CDC42: variants seen among roughly 807,000 people sequenced by gnomAD.
CDC42 encodes the protein cell division control protein 42 homolog.
Under a neutral mutation model 20.8 loss-of-function variants are expected in CDC42, and 1 was observed. That is an observed-to-expected ratio of 0.05 (90% CI 0.02 to 0.23). The LOEUF (loss-of-function observed/expected upper bound fraction) is 0.23, where lower values mean the gene tolerates loss of function less well. Among genes scored for constraint, CDC42 ranks in the 10% least tolerant of loss-of-function variants. The pLI is 1.00. For synonymous variants in CDC42, 72 were observed against 84.8 expected (o/e 0.85, Z 0.83); for missense variants, 49 against 227.9 (o/e 0.21, Z 5.05).
Position 22,094,612 on chromosome 1 carries a change from A to T in CDC42, c.*3095A>T, listed in dbSNP as rs574479768. On this transcript the variant is annotated 3_prime_UTR_variant, in exon 6 of 6. Transcript: ENST00000656825. ...GCGCCCGGCCAGAAATAGATTTTAT[A>T]GTTAAAGCGATGTTCTTCAAGCTGG... is the stretch of plus-strand genomic sequence containing the variant. 4.6e-5 allele frequency among the ~76,000 whole-genome samples: 7 copies of T among 151,958 alleles called. No homozygotes were observed. In the East Asian group the frequency reaches 1.2e-3, roughly 25 times the overall value.
Position 22,093,503 on chromosome 1 carries a change from A to G in CDC42, c.*1986A>G, listed in dbSNP as rs183716243. 1.3e-4 allele frequency among the ~76,000 whole-genome samples: 20 copies of G among 152,336 alleles called. 1 individual carries two copies. In the Middle Eastern group the frequency reaches 0.01, roughly 78 times the overall value. On this transcript the variant is annotated 3_prime_UTR_variant, in exon 6 of 6. Coordinates refer to ENST00000656825, the MANE Select transcript of CDC42 (RefSeq NM_001791.4). ...CAAGAAAGGTTTATTTACCTTTAGGACATTATACTGATCTGCATGAGAATC... is the reference window on the plus strand; with the variant it reads ...CAAGAAAGGTTTATTTACCTTTAGGGCATTATACTGATCTGCATGAGAATC...
chr1:22,095,436 A>AT lies in CDC42; in HGVS notation c.*3920dup, dbSNP rs1290067418. 2.6e-5 allele frequency among the ~76,000 whole-genome samples: 4 copies of AT among 151,944 alleles called. No individual in the cohort carries two copies. The highest frequency in any genetic ancestry group is 2.6e-4 in the Admixed American group (4 of 15,262). The stretch of plus-strand genomic sequence containing the variant: ...AGGCATGTGCCACCATGCCTGGCTA[A>AT]TGTTTTGTATTTTTAGTAGAGATAG... On this transcript the variant is annotated 3_prime_UTR_variant, in exon 6 of 6. Transcript: ENST00000656825.
rs1645749901 is a variant in CDC42 at position 22,095,444 on chromosome 1, T to C, written c.*3927T>C. On this transcript the variant is annotated 3_prime_UTR_variant, in exon 6 of 6. Transcript: ENST00000656825. ...GCCACCATGCCTGGCTAATGTTTTG[T>C]ATTTTTAGTAGAGATAGGGTTTCAC... Among the ~76,000 whole-genome samples, 1 of 152,146 alleles carries C rather than the reference T, an allele frequency of 6.6e-6. No homozygotes were observed. Among genetic ancestry groups the C allele is most frequent in the African/African-American group, 2.4e-5 (1 of 41,428 alleles).
chr1:22,062,730 TAAAAAAA>T lies in CDC42; in HGVS notation c.-51+10017_-51+10023del, dbSNP rs531472151. Among the ~76,000 whole-genome samples the T allele has an allele frequency of 7.8e-4, 54 of 69,414 alleles. 2 individuals carry two copies. Among genetic ancestry groups the T allele is most frequent in the East Asian group, 6.2e-3 (12 of 1,928 alleles). The allele number at this position is 69,414 out of a possible 152,430, so 45.5% of individuals were successfully genotyped here. The stretch of plus-strand genomic sequence containing the variant: ...AACATAGTGAGACCGTGGCTCTATT[TAAAAAAA>T]AAAAAAAAAAAAAAAAAAAAAAAAA... On this transcript the variant is annotated intron_variant, in intron 1 of 5. Transcript: ENST00000656825.
Position 22,098,357 on chromosome 1 carries a change from T to G in CDC42, c.*6840T>G, listed in dbSNP as rs1645770519. On this transcript the variant is annotated 3_prime_UTR_variant, in exon 6 of 6. Coordinates refer to ENST00000656825, the MANE Select transcript of CDC42 (RefSeq NM_001791.4). ...GGAAGGCTGAAAAAAAAAATACTCC[T>G]GAGATTCTGAATCTGTAAGTATGCA... 6.6e-6 allele frequency among the ~76,000 whole-genome samples: 1 copy of G among 152,118 alleles called. No individual in the cohort carries two copies. Among genetic ancestry groups the G allele is most frequent in the Non-Finnish European group, 1.5e-5 (1 of 68,020 alleles).
intron 2 of CDC42, among the ~76,000 whole-genome samples, chr1:22,080,543 A>G (rs551958421): frequency 6.6e-6 from 1 of 152,262 alleles, no homozygotes; most frequent in South Asian, 2.1e-4. Flanking sequence ...AAAATGTGGC[A>G]TTCTTCTCCT....
chr1:22,061,181 C>T (rs1219284072), intron 1 of CDC42, among the ~76,000 whole-genome samples: 4 of 151,928 alleles, frequency 2.6e-5, no homozygotes, highest in African/African-American at 7.3e-5. Context: ...CCATGGCGGG[C>T]GGATCACCTG....
Position 22,099,673 on chromosome 1 carries a change from T to C in CDC42, c.*8156T>C, listed in dbSNP as rs1645777690. Among the ~76,000 whole-genome samples, 1 of 152,194 alleles carries C rather than the reference T, an allele frequency of 6.6e-6. No individual in the cohort carries two copies. Among genetic ancestry groups the C allele is most frequent in the Non-Finnish European group, 1.5e-5 (1 of 68,032 alleles). Reference sequence around the variant, plus strand: ...GGGGAGGTGACTTTAGGATCAGTTGTAGCATGAGAGAATATGACACCTTCT... The same window carrying C: ...GGGGAGGTGACTTTAGGATCAGTTGCAGCATGAGAGAATATGACACCTTCT... On this transcript the variant is annotated 3_prime_UTR_variant, in exon 6 of 6. Transcript: ENST00000656825.
At chr1:22,054,901 A>G (rs1157619500) in intron 1 of CDC42, among the ~76,000 whole-genome samples, 481 of 10,084 alleles carry the variant, frequency 0.048, 5 homozygotes, top group African/African-American at 0.086. Flanking sequence ...GTATATATAT[A>G]TATATATATA....
intron 1 of CDC42, among the ~76,000 whole-genome samples, chr1:22,067,069 A>G (rs1394980929): frequency 1.3e-5 from 2 of 152,152 alleles, no homozygotes; most frequent in African/African-American, 4.8e-5. Context: ...CTGGGGAGGT[A>G]AGAGACCTGT....
intron 1 of CDC42, among the ~76,000 whole-genome samples, chr1:22,060,105 G>T (rs111732268): frequency 6.6e-6 from 1 of 151,984 alleles, no homozygotes; most frequent in East Asian, 2.0e-4. Flanking sequence ...ACTTTGGGAG[G>T]CTGAGGCAGG....
At position 22,095,594 on chromosome 1, in the gene CDC42, A is replaced by G. The variant is rs1236650021; in HGVS notation, c.*4077A>G. Among the ~76,000 whole-genome samples, 1 of 152,208 alleles carries G rather than the reference A, an allele frequency of 6.6e-6. No homozygotes were observed. The highest frequency in any genetic ancestry group is 2.4e-5 in the African/African-American group (1 of 41,458). On this transcript the variant is annotated 3_prime_UTR_variant, in exon 6 of 6. Transcript: ENST00000656825. ...AGAATGAATACTTTTAATTACTACTATGAGTCTTTTTTCAAAGTGCCTCCA... is the reference window on the plus strand; with the variant it reads ...AGAATGAATACTTTTAATTACTACTGTGAGTCTTTTTTCAAAGTGCCTCCA...
intron 1 of CDC42, among the ~76,000 whole-genome samples, chr1:22,078,041 A>T (rs569897151): frequency 1.1e-3 from 174 of 152,348 alleles, no homozygotes; most frequent in Non-Finnish European, 1.9e-3. Context: ...ATTGCAGTCT[A>T]GTTGACATAC....
At chr1:22,088,074 G>A (rs1645678605) in intron 5 of CDC42, among the ~76,000 whole-genome samples, 1 of 152,178 alleles carries the variant, frequency 6.6e-6, no homozygotes, top group Non-Finnish European at 1.5e-5. Context: ...TTATTTAAAA[G>A]TTTAGAAGAT....
intron 1 of CDC42, chr1:22,053,272 C>T (rs933197302): frequency 1.7e-4 from 3 of 17,976 alleles, no homozygotes; most frequent in South Asian, 3.8e-3. Context: ...GGTGGGGGGG[C>T]GGGGGAGGGG....
chr1:22,061,400 C>T (rs141049717), intron 1 of CDC42, among the ~76,000 whole-genome samples: 1,620 of 104,828 alleles, frequency 0.015, 29 homozygotes, highest in African/African-American at 0.059. Flanking sequence ...AAGAGCAAAA[C>T]TCTGTCTCAG....
At chr1:22,055,046 C>G (rs555841117) in intron 1 of CDC42, among the ~76,000 whole-genome samples, 9 of 144,300 alleles carry the variant, frequency 6.2e-5, no homozygotes, top group Admixed American at 2.8e-4. Flanking sequence ...CTCCGCCTCC[C>G]AGGTTCACAC....
In CDC42 at chr1:22,096,117, G is replaced by A. The variant is rs950661486; in HGVS notation, c.*4600G>A. On this transcript the variant is annotated 3_prime_UTR_variant, in exon 6 of 6. Transcript: ENST00000656825. ...TGGGATTACAGGTGTCTGCCACTGC[G>A]CCCGGCTAATTTTTTGTATTTTTAA... Among the ~76,000 whole-genome samples, 2 of 151,852 alleles carry A rather than the reference G, an allele frequency of 1.3e-5. No homozygotes were observed. The highest frequency in any genetic ancestry group is 2.9e-5 in the Non-Finnish European group (2 of 67,986).
At chr1:22,065,738 T>G (rs1007805785) in intron 1 of CDC42, among the ~76,000 whole-genome samples, 1 of 151,246 alleles carries the variant, frequency 6.6e-6, no homozygotes, top group East Asian at 1.9e-4. Context: ...GGAACCCATA[T>G]TTGCTTGTCT....
Sources: gnomAD v4.1 joint callset for allele counts (sites outside exome capture counted in the v4.1 genomes callset) on GRCh38, gnomAD v4.1.1 for gene constraint, MANE v1.5 for transcripts, NCBI Gene and HGNC (gene_info 2026-07-23, HGNC 2026-07-21) for gene names.